Variants in SEZ6 observed in about 807,000 individuals in gnomAD.
SEZ6 encodes the protein seizure protein 6 homolog.
A neutral mutation model predicts 101.0 loss-of-function variants in SEZ6; 53 were observed. The ratio of observed to expected loss-of-function variants is 0.52; its 90% confidence interval spans 0.42 to 0.66. The LOEUF is 0.66. SEZ6 is among the 30% of genes least tolerant of loss of function. The pLI is 0.00. For synonymous variants in SEZ6, 488 were observed against 512.2 expected, an observed-to-expected ratio of 0.95 and a Z score of 0.64; for missense variants, 1,102 against 1,289.4, an observed-to-expected ratio of 0.85 and a Z score of 2.23.
At chr17:28,974,770 CTG>C (rs2041200032) in intron 3 of SEZ6, among the ~76,000 whole-genome samples, 1 of 152,204 alleles carries the variant, frequency 6.6e-6, no homozygotes, top group Non-Finnish European at 1.5e-5. Context: ...TCAGGCAGGG[CTG>C]ACTGGGAAAG....
chr17:28,983,313 A>G (rs2041335987), intron 1 of SEZ6, among the ~76,000 whole-genome samples: 1 of 152,184 alleles, frequency 6.6e-6, no homozygotes, highest in African/African-American at 2.4e-5. Flanking sequence ...ATCAGGTTCC[A>G]TCTAGGGCAG....
intron 1 of SEZ6, among the ~76,000 whole-genome samples, chr17:29,004,933 T>C (rs2041665572): frequency 6.6e-6 from 1 of 152,222 alleles, no homozygotes; most frequent in Non-Finnish European, 1.5e-5. Context: ...ACCGACGAAG[T>C]TGGGGACCAG....
chr17:28,984,470 G>A (rs2041350562), intron 1 of SEZ6, among the ~76,000 whole-genome samples: 1 of 152,206 alleles, frequency 6.6e-6, no homozygotes. Flanking sequence ...CTGGGAGAGG[G>A]AGTGCACAGA....
At chr17:28,981,228 G>T (rs2041296011) in intron 2 of SEZ6, 143 bp downstream of exon 2, 4 of 1,383,738 alleles carry the variant, frequency 2.9e-6, no homozygotes, top group Admixed American at 5.6e-5. Context: ...GGTCTATCTG[G>T]GTCCAATCTA....
At chr17:28,965,823 C>T (rs1258056132) in intron 4 of SEZ6, among the ~76,000 whole-genome samples, 1 of 152,146 alleles carries the variant, frequency 6.6e-6, no homozygotes, top group African/African-American at 2.4e-5. Context: ...TATCCCGATC[C>T]TGGGGTCAAG....
intron 4 of SEZ6, 134 bp downstream of exon 4, chr17:28,969,623 T>G: frequency 2.5e-6 from 2 of 816,076 alleles, no homozygotes; most frequent in Non-Finnish European, 1.8e-6. Context: ...AGAGCTTCAC[T>G]GGACATTTGT....
chr17:28,957,143 G>A lies in SEZ6; in HGVS notation c.2594C>T (p.Ser865Leu), dbSNP rs376425311. The change falls in exon 13 of 17, where the codon TCG becomes TTG. Residue 865 changes from serine to leucine, a missense_variant. Ser to Leu is a moderately radical substitution (Grantham distance 145). Coordinates refer to ENST00000317338, the MANE Select transcript of SEZ6 (RefSeq NM_178860.5). ...LHPAGATIHF[S>L]CAPGYVLKGQ... ...CTTCAGCACATAGCCAGGGGCACAC[G>A]AGAAGTGGATGGTGGCCCCTGCTGG... The A allele has an allele frequency of 5.0e-6, 8 of 1,613,884 alleles. No individual in the cohort carries two copies. The highest frequency in any genetic ancestry group is 2.2e-5 in the East Asian group (1 of 44,894).
chr17:28,960,807 G>A lies in SEZ6; in HGVS notation c.1407C>T (p.Asp469=). 18 of 1,613,874 alleles carry A rather than the reference G, an allele frequency of 1.1e-5. No individual in the cohort carries two copies. The highest frequency in any genetic ancestry group is 1.5e-5 in the Non-Finnish European group (18 of 1,179,832). Residue 469 remains aspartate, a splice_region_variant and synonymous_variant, in exon 6 of 17, where the codon GAC becomes GAT. Transcript: ENST00000317338. ...ATTCCACTAGGACAGCCCCTCACCT[G>A]TCATCATCCTCTGCCAGGGAAACCT... ...FEKVSLAEDD[D]RLIIRNGDNV...
At chr17:28,994,914 C>T (rs2152692398) in intron 1 of SEZ6, among the ~76,000 whole-genome samples, 1 of 152,036 alleles carries the variant, frequency 6.6e-6, no homozygotes, top group East Asian at 1.9e-4. Context: ...CACTCTGTCG[C>T]CTAGGCTGGA....
chr17:28,993,660 G>A (rs979351892), intron 1 of SEZ6, among the ~76,000 whole-genome samples: 1 of 152,116 alleles, frequency 6.6e-6, no homozygotes, highest in African/African-American at 2.4e-5. Flanking sequence ...CTACTGCCTC[G>A]CTCCACATAC....
chr17:28,959,144 G>A lies in SEZ6; in HGVS notation c.1988C>T (p.Ser663Leu). 1 of 1,613,890 alleles carries A rather than the reference G, an allele frequency of 6.2e-7. No individual in the cohort carries two copies. Among genetic ancestry groups the A allele is most frequent in the Admixed American group, 1.7e-5 (1 of 60,016 alleles). ...DLTARVLGQY[S>L]GPRSHFKLFT... is the part of the protein sequence containing the mutation. The stretch of plus-strand genomic sequence containing the variant: ...GAGCTTGAAGTGGCTACGGGGCCCT[G>A]AGTACTGGCCCAGAACCCGGGCCGT... Residue 663 changes from serine (S) to leucine (L), a missense_variant, in exon 10 of 17, where the codon TCA becomes TTA. Ser to Leu is a moderately radical substitution (Grantham distance 145, BLOSUM62 -2). This residue lies in a region of SEZ6 where 556 missense variants were observed against 735.1 expected (regional missense o/e 0.76). Coordinates refer to ENST00000317338, the MANE Select transcript of SEZ6 (RefSeq NM_178860.5). This position sits in a 1 kb window ranked among gnomAD's most constrained non-coding sequence, Gnocchi z 4.4.
At chr17:28,969,450 G>A (rs2041118355) in intron 4 of SEZ6, among the ~76,000 whole-genome samples, 1 of 152,238 alleles carries the variant, frequency 6.6e-6, no homozygotes. Flanking sequence ...GCCTGGCAAA[G>A]AGCAGGTGCC....
chr17:28,957,909 G>A, intron 11 of SEZ6, 38 bp downstream of exon 11: 1 of 1,591,152 alleles, frequency 6.3e-7, no homozygotes, highest in Non-Finnish European at 8.6e-7. Context: ...TTTGGAGTTT[G>A]TGTTGGGAAG....
At chr17:28,987,131 C>G (rs1300200965) in intron 1 of SEZ6, among the ~76,000 whole-genome samples, 1 of 152,224 alleles carries the variant, frequency 6.6e-6, no homozygotes, top group African/African-American at 2.4e-5. Context: ...AGAGGTTAAG[C>G]TGGCCCAGCA....
At chr17:28,979,504 G>A (rs2041268011) in intron 3 of SEZ6, among the ~76,000 whole-genome samples, 176 bp downstream of exon 3, 1 of 152,206 alleles carries the variant, frequency 6.6e-6, no homozygotes, top group South Asian at 2.1e-4. Context: ...TTAGGCCATT[G>A]CCAAACACAC....
intron 5 of SEZ6, among the ~76,000 whole-genome samples, chr17:28,962,665 C>T (rs1220120180): frequency 6.6e-6 from 1 of 151,154 alleles, no homozygotes; most frequent in Non-Finnish European, 1.5e-5. Flanking sequence ...CCTGTAACCC[C>T]AGCTACTCTG....
chr17:28,958,705 G>A lies in SEZ6; in HGVS notation c.2107+320C>T, dbSNP rs577340223. 3.3e-5 allele frequency among the ~76,000 whole-genome samples: 5 copies of A among 151,972 alleles called. No homozygotes were observed. In the East Asian group the frequency reaches 5.8e-4, roughly 18 times the overall value. ...CTCAGGAGGATGAGGCACGAGAATC[G>A]CTTGAGCCCAGGAGGTGGAGGTTGC... On this transcript the variant is annotated intron_variant, in intron 10 of 16. Coordinates refer to ENST00000317338, the MANE Select transcript of SEZ6 (RefSeq NM_178860.5).
rs1230330141 is a variant in SEZ6 at position 28,955,635 on chromosome 17, T to C, written c.*327A>G. On this transcript the variant is annotated 3_prime_UTR_variant, in exon 17 of 17. Transcript: ENST00000317338. ...GTGGAGAAAGGTACTCCTGCTCTGC[T>C]AGTGTGTTCCAGGCTGGTCCAGGGC... 5 of 575,578 alleles carry C rather than the reference T, an allele frequency of 8.7e-6. No individual in the cohort carries two copies. The Admixed American group carries it at 8.7e-5, about 10-fold the overall frequency. 35.7% of individuals were successfully genotyped at this position (575,578 alleles called of 1,614,324 possible). A position where few individuals can be genotyped will look rare whatever the true frequency, so the allele number is the denominator to read the frequency against.
chr17:28,958,456 T>C (rs9907846), intron 10 of SEZ6, among the ~76,000 whole-genome samples: 2,865 of 152,262 alleles, frequency 0.019, 87 homozygotes, highest in African/African-American at 0.062. Flanking sequence ...GTCAGAAAGA[T>C]AGAAGCCAGC....
Sources: gnomAD v4.1 joint callset for allele counts (sites outside exome capture counted in the v4.1 genomes callset) on GRCh38, gnomAD v4.1.1 for gene constraint, gnomAD v4.1.1 regional missense constraint, Gnocchi (gnomAD v3.1) non-coding constraint, MANE v1.5 for transcripts, NCBI Gene and HGNC (gene_info 2026-07-23, HGNC 2026-07-21) for gene names.